The following ZFHX3 variants were observed in gnomAD, a reference collection of about 807,000 sequenced individuals.
ZFHX3 encodes the protein zinc finger homeobox protein 3.
ZFHX3 carries 42 observed loss-of-function variants against 279.1 expected under a neutral mutation model. The observed-to-expected ratio is 0.15, with a 90% confidence interval of 0.12 to 0.19. The LOEUF is 0.19. Ranked by LOEUF, ZFHX3 falls within the 10% of genes least tolerant of loss-of-function variation. ZFHX3 has a pLI of 1.00. For synonymous variants in ZFHX3, 2,293 were observed against 1,957.8 expected, an observed-to-expected ratio of 1.17 and a Z score of -4.52; for missense variants, 4,981 against 4,754.0, an observed-to-expected ratio of 1.05 and a Z score of -1.40.
chr16:73,188,939 C>G (rs1013930372), intron 5 of ZFHX3, among the ~76,000 whole-genome samples: 27 of 151,202 alleles, frequency 1.8e-4, no homozygotes, highest in African/African-American at 5.8e-4. Context: ...TCTTGGCTCA[C>G]TACAACCTCC....
chr16:73,044,302 C>T (rs1007906322), intron 1 of ZFHX3, among the ~76,000 whole-genome samples: 6 of 152,272 alleles, frequency 3.9e-5, no homozygotes, highest in African/African-American at 9.6e-5. Context: ...TTTACAGTAA[C>T]GCCCCCATCC....
intron 3 of ZFHX3, among the ~76,000 whole-genome samples, chr16:73,352,289 G>A (rs1321330966): frequency 6.6e-6 from 1 of 152,144 alleles, no homozygotes; most frequent in East Asian, 1.9e-4. Context: ...GAATTAAAGT[G>A]ATTTTTAATG....
intron 4 of ZFHX3, among the ~76,000 whole-genome samples, chr16:72,879,863 C>T (rs887230419): frequency 6.6e-6 from 1 of 152,172 alleles, no homozygotes; most frequent in Non-Finnish European, 1.5e-5. Context: ...CTCCACGTGG[C>T]CGGCTGTCAG....
At chr16:72,924,541 A>C (rs1463148167) in intron 3 of ZFHX3, among the ~76,000 whole-genome samples, 1 of 152,186 alleles carries the variant, frequency 6.6e-6, no homozygotes, top group Non-Finnish European at 1.5e-5. Flanking sequence ...TGCTGCTTCC[A>C]TGACAAAGTC....
At chr16:72,963,020 G>A (rs1172807788) in intron 1 of ZFHX3, among the ~76,000 whole-genome samples, 2 of 152,174 alleles carry the variant, frequency 1.3e-5, no homozygotes, top group Non-Finnish European at 2.9e-5. Flanking sequence ...TAAGAAAAAG[G>A]TAGTTCTTAC....
At chr16:73,255,671 G>A (rs577416966) in intron 5 of ZFHX3, among the ~76,000 whole-genome samples, 5 of 152,212 alleles carry the variant, frequency 3.3e-5, no homozygotes, top group Non-Finnish European at 7.3e-5. Context: ...GCAGTACTGG[G>A]AGACACTGTT....
intron 1 of ZFHX3, among the ~76,000 whole-genome samples, chr16:72,970,255 C>T (rs1962044641): frequency 6.6e-6 from 1 of 151,658 alleles, no homozygotes; most frequent in Non-Finnish European, 1.5e-5. Context: ...CAGAGTTCAA[C>T]CACCATGAAT....
chr16:73,471,664 G>A (rs192251851), intron 2 of ZFHX3, among the ~76,000 whole-genome samples: 1 of 152,290 alleles, frequency 6.6e-6, no homozygotes, highest in Non-Finnish European at 1.5e-5. Flanking sequence ...TAAAAGGAGG[G>A]CTCAGGGGAC....
At chr16:73,836,246 T>C (rs1961142102) in intron 1 of ZFHX3, among the ~76,000 whole-genome samples, 1 of 152,194 alleles carries the variant, frequency 6.6e-6, no homozygotes, top group African/African-American at 2.4e-5. Flanking sequence ...GTCATCTTAT[T>C]TGATTGCATG....
At chr16:73,155,890 G>C (rs1967068563) in intron 5 of ZFHX3, among the ~76,000 whole-genome samples, 1 of 151,706 alleles carries the variant, frequency 6.6e-6, no homozygotes, top group Admixed American at 6.6e-5. Flanking sequence ...ATTATATATA[G>C]TACATATGCA....
intron 3 of ZFHX3, among the ~76,000 whole-genome samples, chr16:73,413,993 G>A (rs139575529): frequency 6.6e-6 from 1 of 152,306 alleles, no homozygotes; most frequent in African/African-American, 2.4e-5. Context: ...CCATACAAAT[G>A]ATCAAAGGCC....
At chr16:73,178,320 G>T (rs1967712640) in intron 5 of ZFHX3, among the ~76,000 whole-genome samples, 1 of 151,986 alleles carries the variant, frequency 6.6e-6, no homozygotes, top group Non-Finnish European at 1.5e-5. Context: ...TGAATTTTTA[G>T]TAGAGATGGG....
At chr16:73,127,415 G>A in intron 7 of ZFHX3, 1 of 1,305,410 alleles carries the variant, frequency 7.7e-7, no homozygotes, top group Non-Finnish European at 1.0e-6. Flanking sequence ...GCCTTCCCAG[G>A]TAGTAGCTGG....
chr16:72,798,435 A>C lies in ZFHX3; in HGVS notation c.4247T>G (p.Leu1416Trp). ...CACATGGTACTGAGAATGGAGCTGCAACTTTTCAATGGTCTTGAAGGCCAG... is the reference window on the plus strand; with the variant it reads ...CACATGGTACTGAGAATGGAGCTGCCACTTTTCAATGGTCTTGAAGGCCAG... The part of the protein sequence containing the change: ...CSLAFKTIEK[L>W]QLHSQYHVIR... The change falls in exon 9 of 10, where the codon TTG becomes TGG. Residue 1416 changes from leucine (L) to tryptophan (W), a missense_variant. This residue lies in a region of ZFHX3 where 1,751 missense variants were observed against 1,770.0 expected (regional missense o/e 0.99). Transcript: ENST00000268489. 2 of 1,614,248 alleles carry C rather than the reference A, an allele frequency of 1.2e-6. No homozygotes were observed. Among genetic ancestry groups the C allele is most frequent in the Non-Finnish European group, 1.7e-6 (2 of 1,180,046 alleles).
chr16:73,290,015 CCACACACACACA>C (rs10564390), intron 4 of ZFHX3, among the ~76,000 whole-genome samples: 8,612 of 144,382 alleles, frequency 0.06, 453 homozygotes, highest in African/African-American at 0.14. Context: ...AGAGAAATAA[CCACACACACACA>C]CACACACACA....
chr16:73,696,001 G>C (rs933907938), intron 1 of ZFHX3, among the ~76,000 whole-genome samples: 7 of 152,188 alleles, frequency 4.6e-5, no homozygotes, highest in Non-Finnish European at 1.0e-4. Context: ...ACTATAATTT[G>C]GGTTCTCCAC....
intron 2 of ZFHX3, among the ~76,000 whole-genome samples, chr16:73,492,915 C>T (rs1038872451): frequency 6.6e-5 from 10 of 151,982 alleles, no homozygotes; most frequent in Middle Eastern, 3.4e-3. Context: ...AACCACTGTG[C>T]ATCGAGTACA....
At chr16:73,304,452 G>A (rs1158567417) in intron 4 of ZFHX3, among the ~76,000 whole-genome samples, 3 of 152,170 alleles carry the variant, frequency 2.0e-5, no homozygotes, top group Non-Finnish European at 4.4e-5. Context: ...TATGCGCAGA[G>A]AGGCAGGGTT....
intron 2 of ZFHX3, among the ~76,000 whole-genome samples, chr16:73,535,722 C>CTTTTTTTTTTTTT (rs56867952): frequency 7.2e-6 from 1 of 139,004 alleles, no homozygotes; most frequent in Non-Finnish European, 1.5e-5. Context: ...TGCCCCCTAT[C>CTTTTTTTTTTTTT]TTTTTTTTTT....
Sources: allele counts gnomAD v4.1 joint callset (sites outside exome capture counted in the v4.1 genomes callset), GRCh38; gene constraint gnomAD v4.1.1; regional missense constraint gnomAD v4.1.1; transcripts MANE v1.5; gene names NCBI Gene and HGNC (gene_info 2026-07-23, HGNC 2026-07-21).